INPP5D: variants seen among roughly 807,000 people sequenced by gnomAD.
INPP5D encodes phosphatidylinositol 3,4,5-trisphosphate 5-phosphatase 1.
A neutral mutation model predicts 122.9 loss-of-function variants in INPP5D; 33 were observed. The ratio of observed to expected loss-of-function variants is 0.27; its 90% confidence interval spans 0.20 to 0.36. The LOEUF (loss-of-function observed/expected upper bound fraction) is 0.36. Ranked by LOEUF, INPP5D falls within the 10% of genes least tolerant of loss-of-function variation. INPP5D has a pLI of 1.00. For synonymous variants in INPP5D, 584 were observed against 576.2 expected, an observed-to-expected ratio of 1.01 and a Z score of -0.19; for missense variants, 1,053 against 1,412.7, an observed-to-expected ratio of 0.75 and a Z score of 4.08.
intron 3 of INPP5D, among the ~76,000 whole-genome samples, chr2:233,125,413 T>C (rs1279147001): frequency 6.6e-6 from 1 of 152,162 alleles, no homozygotes; most frequent in Non-Finnish European, 1.5e-5. Context: ...CCCCTGAAAG[T>C]CTGAGAGCCA....
At position 233,198,103 on chromosome 2, in the gene INPP5D, C is replaced by T. The variant is rs201211611; in HGVS notation, c.2702C>T (p.Pro901Leu). 9.4e-6 allele frequency: 15 copies of T among 1,601,246 alleles called. No homozygotes were observed. The highest frequency in any genetic ancestry group is 2.7e-5 in the African/African-American group (2 of 74,582). Residue 901 changes from proline to leucine, a missense_variant, in exon 25 of 27, where the codon CCG (proline) becomes CTG (leucine). By Grantham distance (98) the Pro-to-Leu change is moderately conservative (BLOSUM62 -3). Coordinates refer to ENST00000445964, the MANE Select transcript of INPP5D (RefSeq NM_001017915.3). ...CCATGTCCTCCCTGCAGGGCCCCTC[C>T]GTGCAGTGGCTCCAGCATCACTGAA... ...KQWEVTSRAP[P>L]CSGSSITEII...
intron 1 of INPP5D, among the ~76,000 whole-genome samples, chr2:233,066,930 A>G (rs574213635): frequency 6.6e-6 from 1 of 152,116 alleles, no homozygotes; most frequent in Non-Finnish European, 1.5e-5. Context: ...GGTGCCTCCC[A>G]TCACACCCAG....
chr2:233,193,789 G>A (rs1166311612), intron 22 of INPP5D, 23 bp from the exon 23 acceptor site: 1 of 1,613,668 alleles, frequency 6.2e-7, no homozygotes, highest in East Asian at 2.2e-5. Flanking sequence ...TCTTCACCCA[G>A]CTGTCTCCCA....
At position 233,184,396 on chromosome 2, in the gene INPP5D, C is replaced by G; in HGVS notation, c.2162-12C>G. 1.2e-6 allele frequency: 2 copies of G among 1,613,680 alleles called. No individual in the cohort carries two copies. The highest frequency in any genetic ancestry group is 1.7e-6 in the Non-Finnish European group (2 of 1,179,746). On this transcript the variant is annotated splice_polypyrimidine_tract_variant and intron_variant, in intron 19 of 26. Transcript: ENST00000445964. ...CATTGTGGAACTGAATCCGTGTTCT[C>G]CCCTGTTCCAGGTCCCGGGACTGTT... is the stretch of plus-strand genomic sequence containing the variant.
Position 233,170,327 on chromosome 2 carries a change from T to C in INPP5D, c.1791+163T>C. 6.8e-7 allele frequency: 1 copy of C among 1,477,502 alleles called. No individual in the cohort carries two copies. Among genetic ancestry groups the C allele is most frequent in the African/African-American group, 1.4e-5 (1 of 71,218 alleles). 91.5% of individuals were successfully genotyped at this position (1,477,502 alleles called of 1,614,324 possible). A position where few individuals can be genotyped will look rare whatever the true frequency, so the allele number is the denominator to read the frequency against. On this transcript the variant is annotated intron_variant, in intron 15 of 26. Coordinates refer to ENST00000445964, the MANE Select transcript of INPP5D (RefSeq NM_001017915.3). This position sits in a 1 kb window ranked among gnomAD's most constrained non-coding sequence, Gnocchi z 4.5. Reference sequence around the variant, plus strand: ...GTTTCCATTACTGAGCCTCAGCCGCTCCTCACGGTTCCCCTGTGCTCACAC... The same window carrying C: ...GTTTCCATTACTGAGCCTCAGCCGCCCCTCACGGTTCCCCTGTGCTCACAC...
chr2:233,064,708 A>G (rs756624065), intron 1 of INPP5D, among the ~76,000 whole-genome samples: 10 of 152,202 alleles, frequency 6.6e-5, no homozygotes, highest in Non-Finnish European at 1.3e-4. Flanking sequence ...CAGAGACCAT[A>G]AGGTGGCCTG....
intron 17 of INPP5D, among the ~76,000 whole-genome samples, chr2:233,175,942 A>G (rs1447644062): frequency 6.6e-6 from 1 of 152,124 alleles, no homozygotes; most frequent in Admixed American, 6.5e-5. Flanking sequence ...TTGGCCTCCC[A>G]AAGTGCTGGG....
rs1440986418 is a variant in INPP5D, at chr2:233,193,935, A to G, written c.2570A>G (p.Gln857Arg). 1 of 1,610,782 alleles carries G rather than the reference A, an allele frequency of 6.2e-7. No homozygotes were observed. The highest frequency in any genetic ancestry group is 2.2e-5 in the East Asian group (1 of 44,820). The change falls in exon 23 of 27, where the codon CAG (glutamine) becomes CGG (arginine). Residue 857 changes from glutamine (Q) to arginine (R), a missense_variant. Around this residue, in one of 6 missense-constraint regions of INPP5D, gnomAD observed 258 missense variants for 439.1 expected, o/e 0.59. Coordinates refer to ENST00000445964, the MANE Select transcript of INPP5D (RefSeq NM_001017915.3). The stretch of plus-strand genomic sequence containing the variant: ...GGGGAGATCAAGCTGCAGACCTCTC[A>G]GGGCAAGACGAGGGAGAAGCTCTAT... ...FQGEIKLQTS[Q>R]GKTREKLYDF...
chr2:233,188,570 AC>A lies in INPP5D; in HGVS notation c.2359-1279del, dbSNP rs1694975113. ...GCAGTTTCCAGTCATCTGTTCTGGA[AC>A]TTTTTTTTGAGACTGAGTCTTGTTC... On this transcript the variant is annotated intron_variant, in intron 21 of 26. Transcript: ENST00000445964. This position sits in a 1 kb window ranked among gnomAD's most constrained non-coding sequence, Gnocchi z 4.7. 6.6e-6 allele frequency among the ~76,000 whole-genome samples: 1 copy of A among 152,068 alleles called. No homozygotes were observed. Among genetic ancestry groups the A allele is most frequent in the Admixed American group, 6.5e-5 (1 of 15,274 alleles).
intron 2 of INPP5D, among the ~76,000 whole-genome samples, chr2:233,103,367 A>G (rs1389507809): frequency 1.3e-5 from 2 of 152,192 alleles, no homozygotes; most frequent in Non-Finnish European, 2.9e-5. Flanking sequence ...ATTATTCTCC[A>G]CAATGGCTGT....
At chr2:233,070,572 G>A (rs907636987) in intron 1 of INPP5D, among the ~76,000 whole-genome samples, 4 of 152,018 alleles carry the variant, frequency 2.6e-5, no homozygotes, top group Non-Finnish European at 5.9e-5. Flanking sequence ...CTCCCGAGTA[G>A]CTGGGATTAC....
intron 5 of INPP5D, among the ~76,000 whole-genome samples, chr2:233,132,245 G>A (rs1395035132): frequency 1.3e-5 from 2 of 152,204 alleles, no homozygotes; most frequent in East Asian, 3.8e-4. Flanking sequence ...GTTCTTCCCT[G>A]CTTCCTTGTG....
At chr2:233,169,711 C>A in intron 14 of INPP5D, 1 of 575,052 alleles carries the variant, frequency 1.7e-6, no homozygotes, top group Non-Finnish European at 3.0e-6. Flanking sequence ...CCAAGCTGAT[C>A]TTGCCTAGCT....
At chr2:233,192,158 C>G (rs895558821) in intron 22 of INPP5D, among the ~76,000 whole-genome samples, 1 of 152,168 alleles carries the variant, frequency 6.6e-6, no homozygotes, top group Non-Finnish European at 1.5e-5. Context: ...TAGGGATCCC[C>G]TCGTCACGGA....
intron 18 of INPP5D, 50 bp from the exon 19 acceptor site, chr2:233,182,360 C>G: frequency 6.2e-7 from 1 of 1,609,144 alleles, no homozygotes; most frequent in Non-Finnish European, 8.5e-7. Flanking sequence ...CTTGGCCTGA[C>G]CGGAAGGGCT....
chr2:233,110,943 A>C (rs11681736), intron 2 of INPP5D, among the ~76,000 whole-genome samples: 58,237 of 132,602 alleles, frequency 0.44, 13,305 homozygotes, highest in Non-Finnish European at 0.59. Flanking sequence ...AAAACAACAA[A>C]AAAAAAAAAC....
chr2:233,087,775 C>T (rs1346031619), intron 2 of INPP5D, among the ~76,000 whole-genome samples: 1 of 152,182 alleles, frequency 6.6e-6, no homozygotes, highest in Non-Finnish European at 1.5e-5. Context: ...CTACAGGTTT[C>T]ACTTAAAATT....
chr2:233,091,358 C>T (rs1691988572), intron 2 of INPP5D, among the ~76,000 whole-genome samples: 1 of 152,218 alleles, frequency 6.6e-6, no homozygotes, highest in Non-Finnish European at 1.5e-5. Context: ...TAAAACAACA[C>T]AATTTATTAT....
chr2:233,193,713 GGCTATA>G, intron 22 of INPP5D, 93 bp from the exon 23 acceptor site: 1 of 1,592,948 alleles, frequency 6.3e-7, no homozygotes, highest in Non-Finnish European at 8.6e-7. Context: ...CCCTTGCCTG[GGCTATA>G]GTTTCAAAGG....
Sources: gnomAD v4.1 joint callset for allele counts (sites outside exome capture counted in the v4.1 genomes callset) on GRCh38, gnomAD v4.1.1 for gene constraint, gnomAD v4.1.1 regional missense constraint, Gnocchi (gnomAD v3.1) non-coding constraint, MANE v1.5 for transcripts, NCBI Gene and HGNC (gene_info 2026-07-23, HGNC 2026-07-21) for gene names.